Variants in PWWP3A observed in about 807,000 individuals in gnomAD.
PWWP3A encodes PWWP domain-containing DNA repair factor 3A.
Under a neutral mutation model 79.0 loss-of-function variants are expected in PWWP3A, and 53 were observed. That is an observed-to-expected ratio of 0.67 (90% CI 0.54 to 0.84). The LOEUF (loss-of-function observed/expected upper bound fraction) is 0.84. Ranked by LOEUF, PWWP3A falls within the 40% of genes least tolerant of loss-of-function variation. The pLI is 0.00. For missense variants in PWWP3A, 973 were observed against 948.0 expected (o/e 1.03, Z -0.35); for synonymous variants, 443 against 394.4 (o/e 1.12, Z -1.46).
rs372466344 is a variant in PWWP3A, at chr19:1,366,387, C to T, written c.1361+6C>T. On this transcript the variant is annotated splice_donor_region_variant and intron_variant, in intron 8 of 13. Coordinates refer to ENST00000591337, the MANE Select transcript of PWWP3A (RefSeq NM_001369789.1). The stretch of plus-strand genomic sequence containing the variant: ...ATGAACCCGAAAATGAAAGGGTAAC[C>T]CGCTGTTCTTGGTTTCTGTGAATGG... 3 of 1,613,690 alleles carry T rather than the reference C, an allele frequency of 1.9e-6. No homozygotes were observed. The highest frequency in any genetic ancestry group is 2.5e-6 in the Non-Finnish European group (3 of 1,179,686).
chr19:1,374,856 A>G (rs1013289809), intron 13 of PWWP3A, among the ~76,000 whole-genome samples: 2 of 152,148 alleles, frequency 1.3e-5, no homozygotes, highest in African/African-American at 4.8e-5. Flanking sequence ...GTAGTGAGCC[A>G]TCATTATGCC....
rs376512294 is a variant in PWWP3A, at chr19:1,373,057, C to T, written c.1987-15C>T. On this transcript the variant is annotated splice_polypyrimidine_tract_variant and intron_variant, in intron 12 of 13. Coordinates refer to ENST00000591337, the MANE Select transcript of PWWP3A (RefSeq NM_001369789.1). ...GGCAGTGCCTGCTGCTATTGAGCCC[C>T]GTGCCCTCTCACAGGCCATCATCTG... The T allele has an allele frequency of 1.1e-5, 17 of 1,613,112 alleles. No individual in the cohort carries two copies. Among genetic ancestry groups the T allele is most frequent in the African/African-American group, 2.7e-5 (2 of 74,932 alleles).
In PWWP3A at chr19:1,360,011, C is replaced by A; in HGVS notation, c.215-125C>A. ...ATGTAGGTGAGAAATGTTAGTCCTC[C>A]CCTTCAGTGATTTAGGTATGAAACT... On this transcript the variant is annotated intron_variant, in intron 4 of 13. Transcript: ENST00000591337. The surrounding 1 kb of genome is among the most constrained non-coding windows in gnomAD (Gnocchi z 4.4). 1.1e-6 allele frequency: 1 copy of A among 911,412 alleles called. No individual in the cohort carries two copies. The highest frequency in any genetic ancestry group is 1.7e-5 in the African/African-American group (1 of 58,830). 56.5% of individuals were successfully genotyped at this position (911,412 alleles called of 1,614,324 possible). A position where few individuals can be genotyped will look rare whatever the true frequency, so the allele number is the denominator to read the frequency against.
At chr19:1,370,043 A>G (rs1203936753) in intron 11 of PWWP3A, among the ~76,000 whole-genome samples, 3 of 152,374 alleles carry the variant, frequency 2.0e-5, no homozygotes, top group East Asian at 3.9e-4. Context: ...TAGCTTGATC[A>G]ACAGAGCAAG....
At chr19:1,361,380 T>C (rs2082012162) in intron 5 of PWWP3A, among the ~76,000 whole-genome samples, 1 of 152,232 alleles carries the variant, frequency 6.6e-6, no homozygotes, top group Non-Finnish European at 1.5e-5. Flanking sequence ...GATTAACTCT[T>C]TTAACGGAAG....
At chr19:1,364,735 C>T (rs551961734) in intron 7 of PWWP3A, among the ~76,000 whole-genome samples, 156 bp downstream of exon 7, 1 of 152,240 alleles carries the variant, frequency 6.6e-6, no homozygotes, top group East Asian at 1.9e-4. Context: ...GAAAAGACTT[C>T]AGGAGATGCC....
intron 6 of PWWP3A, among the ~76,000 whole-genome samples, chr19:1,362,700 G>A (rs1190808749): frequency 6.6e-6 from 1 of 152,250 alleles, no homozygotes; most frequent in Non-Finnish European, 1.5e-5. Flanking sequence ...TTGCTCGGGT[G>A]TGGCCACGTA....
chr19:1,359,736 G>A (rs2081967485), intron 4 of PWWP3A: 1 of 157,902 alleles, frequency 6.3e-6, no homozygotes, highest in Non-Finnish European at 1.4e-5. Flanking sequence ...AGAATACGTT[G>A]CCAGCAGAGT....
intron 6 of PWWP3A, among the ~76,000 whole-genome samples, chr19:1,363,227 CTGTT>C (rs945367529): frequency 9.9e-5 from 15 of 152,250 alleles, no homozygotes; most frequent in African/African-American, 3.1e-4. Context: ...TTTGTCTACA[CTGTT>C]TGAGTGCTTT....
chr19:1,371,333 C>T (rs1053960114), intron 12 of PWWP3A: 3 of 706,764 alleles, frequency 4.2e-6, no homozygotes. Flanking sequence ...CTGTCAGCAC[C>T]AGGGGGTGCG....
At position 1,368,875 on chromosome 19, in the gene PWWP3A, C is replaced by T. The variant is rs2668421; in HGVS notation, c.1423-390C>T. On this transcript the variant is annotated intron_variant, in intron 9 of 13. Coordinates refer to ENST00000591337, the MANE Select transcript of PWWP3A (RefSeq NM_001369789.1). This position sits in a 1 kb window ranked among gnomAD's most constrained non-coding sequence, Gnocchi z 4.7. ...TCCCCGGTGCCCACCTGCGTTCAGA[C>T]CAGCCCAAGCCATCGGGTCCCCGGT... Among the ~76,000 whole-genome samples, 2,073 of 112,728 alleles carry T rather than the reference C, an allele frequency of 0.018. 1 individual carries two copies. The highest frequency in any genetic ancestry group is 0.037 in the African/African-American group (944 of 25,362). 74.0% of individuals were successfully genotyped at this position (112,728 alleles called of 152,430 possible).
chr19:1,359,979 TG>T (rs1365922951), intron 4 of PWWP3A, 156 bp from the exon 5 acceptor site: 1 of 709,994 alleles, frequency 1.4e-6, no homozygotes, highest in Non-Finnish European at 2.1e-6. Context: ...GTCTCCTTTT[TG>T]GGAAAATGTA....
At chr19:1,372,516 T>C (rs2082284100) in intron 12 of PWWP3A, 1 of 152,116 alleles carries the variant, frequency 6.6e-6, no homozygotes, top group Non-Finnish European at 1.5e-5. Context: ...TCCAGCACTT[T>C]GGGAGGCCGA....
rs1038041411 is a variant in PWWP3A, at chr19:1,369,868, G to A, written c.1549+222G>A. 5.9e-5 allele frequency among the ~76,000 whole-genome samples: 9 copies of A among 152,124 alleles called. No homozygotes were observed. The highest frequency in any genetic ancestry group is 2.2e-4 in the African/African-American group (9 of 41,416). The stretch of plus-strand genomic sequence containing the variant: ...GCACAGCATCCCGAGCCTGCCCTGG[G>A]GCCCTCATCCCATGGGCCACATCCA... On this transcript the variant is annotated intron_variant, in intron 11 of 13. Coordinates refer to ENST00000591337, the MANE Select transcript of PWWP3A (RefSeq NM_001369789.1). The surrounding 1 kb of genome is among the most constrained non-coding windows in gnomAD (Gnocchi z 4.0).
chr19:1,376,863 C>T lies in PWWP3A; in HGVS notation c.*287C>T, dbSNP rs1247163605. 1.6e-5 allele frequency: 5 copies of T among 311,826 alleles called. No homozygotes were observed. The highest frequency in any genetic ancestry group is 6.7e-5 in the South Asian group (1 of 14,914). 19.3% of individuals were successfully genotyped at this position (311,826 alleles called of 1,614,324 possible). On this transcript the variant is annotated 3_prime_UTR_variant, in exon 14 of 14. Transcript: ENST00000591337. ...AGGACGGAAGCGTATTCACTGTGCGCCAGTACTCCTGGCTGTGCTGTGGTT... is the reference window on the plus strand; with the variant it reads ...AGGACGGAAGCGTATTCACTGTGCGTCAGTACTCCTGGCTGTGCTGTGGTT...
At chr19:1,375,652 GTA>G (rs1198413715) in intron 13 of PWWP3A, among the ~76,000 whole-genome samples, 4 of 79,104 alleles carry the variant, frequency 5.1e-5, no homozygotes, top group Non-Finnish European at 9.8e-5. Context: ...ATATATAATT[GTA>G]TATATTATAT....
Position 1,369,573 on chromosome 19 carries a change from T to G in PWWP3A, c.1499-23T>G, listed in dbSNP as rs752044356. 6.2e-7 allele frequency: 1 copy of G among 1,613,910 alleles called. No homozygotes were observed. The highest frequency in any genetic ancestry group is 8.5e-7 in the Non-Finnish European group (1 of 1,179,924). Reference sequence around the variant, plus strand: ...GACTCCTCTTAGGTCTACACAGTGCTCTCTCCCCTCCACCCCCTGCAGGCT... The same window carrying G: ...GACTCCTCTTAGGTCTACACAGTGCGCTCTCCCCTCCACCCCCTGCAGGCT... On this transcript the variant is annotated intron_variant, in intron 10 of 13. Transcript: ENST00000591337. This position sits in a 1 kb window ranked among gnomAD's most constrained non-coding sequence, Gnocchi z 4.0.
intron 3 of PWWP3A, 37 bp downstream of exon 3, chr19:1,357,131 G>T: frequency 6.6e-7 from 1 of 1,517,480 alleles, no homozygotes; most frequent in Non-Finnish European, 9.0e-7. Context: ...GTTTTTTCCC[G>T]TGTAGATTTC....
intron 1 of PWWP3A, 160 bp from the exon 2 acceptor site, chr19:1,356,164 T>C (rs2081859241): frequency 5.3e-6 from 3 of 562,694 alleles, no homozygotes; most frequent in Admixed American, 6.0e-5. Context: ...CGTTTCTGTT[T>C]GTCAGTCTGC....
Sources: gnomAD v4.1 joint callset for allele counts (sites outside exome capture counted in the v4.1 genomes callset) on GRCh38, gnomAD v4.1.1 for gene constraint, Gnocchi (gnomAD v3.1) non-coding constraint, MANE v1.5 for transcripts, NCBI Gene and HGNC (gene_info 2026-07-23, HGNC 2026-07-21) for gene names.